OPCML: variants seen among roughly 807,000 people sequenced by gnomAD.
OPCML encodes the protein opioid binding protein/cell adhesion molecule like.
Under a neutral mutation model 37.8 loss-of-function variants are expected in OPCML, and 13 were observed. The ratio of observed to expected loss-of-function variants is 0.34; its 90% CI spans 0.22 to 0.55. The LOEUF (loss-of-function observed/expected upper bound fraction) is 0.55. Among genes scored for constraint, OPCML ranks in the 20% least tolerant of loss-of-function variants. The pLI, the probability that OPCML is intolerant of heterozygous loss-of-function variation, is 0.91. For synonymous variants in OPCML, 176 were observed against 168.8 expected, an observed-to-expected ratio of 1.04 and a Z score of -0.33; for missense variants, 341 against 435.6, an observed-to-expected ratio of 0.78 and a Z score of 1.93.
intron 3 of OPCML, among the ~76,000 whole-genome samples, chr11:132,549,151 CA>C (rs889018698): frequency 3.2e-4 from 48 of 152,246 alleles, no homozygotes; most frequent in Non-Finnish European, 5.7e-4. Context: ...AGACGCCGGC[CA>C]AAACTCACCA....
intron 1 of OPCML, among the ~76,000 whole-genome samples, chr11:133,188,406 G>A (rs1490975413): frequency 1.3e-5 from 2 of 152,106 alleles, no homozygotes; most frequent in South Asian, 2.1e-4. Context: ...TGGGGAAAAC[G>A]ATTAAAGTCT....
At chr11:132,657,540 C>T (rs1453586134) in intron 2 of OPCML, 2 of 522,858 alleles carry the variant, frequency 3.8e-6, no homozygotes, top group African/African-American at 4.1e-5. Flanking sequence ...TTCTATTTGA[C>T]TTCGAGACAT....
chr11:132,456,400 T>C (rs2136882195), intron 4 of OPCML, among the ~76,000 whole-genome samples: 1 of 152,308 alleles, frequency 6.6e-6, no homozygotes, highest in South Asian at 2.1e-4. Context: ...GCAGGAAATT[T>C]TAAATTTAGT....
Position 133,450,147 on chromosome 11 carries a change from A to G in OPCML, c.61+82117T>C, listed in dbSNP as rs556944146. Among the ~76,000 whole-genome samples the G allele has an allele frequency of 1.2e-4, 18 of 151,942 alleles. 1 individual carries two copies. In the South Asian group the frequency reaches 3.5e-3, roughly 30 times the overall value. ...TGAGAAGCTCATACAAAGTCTTCAC[A>G]TCACTGCGATAGTCAATTAACCAAC... On this transcript the variant is annotated intron_variant, in intron 1 of 7. Coordinates refer to ENST00000524381, the MANE Select transcript of OPCML (RefSeq NM_001012393.5).
chr11:133,443,940 C>G (rs1399074543), intron 1 of OPCML, among the ~76,000 whole-genome samples: 1 of 152,074 alleles, frequency 6.6e-6, no homozygotes, highest in African/African-American at 2.4e-5. Context: ...CTCTCTGTCT[C>G]CAAACACACA....
chr11:132,672,537 G>T (rs892764482), intron 2 of OPCML, among the ~76,000 whole-genome samples: 2 of 152,106 alleles, frequency 1.3e-5, no homozygotes, highest in Non-Finnish European at 1.5e-5. Context: ...CTCTGTGTGT[G>T]GCTCCCTGTA....
At position 132,439,547 on chromosome 11, in the gene OPCML, A is replaced by G. The variant is rs773331390; in HGVS notation, c.506-2188T>C. On this transcript the variant is annotated intron_variant, in intron 4 of 7. Transcript: ENST00000524381. ...TGCCCTACTCCCTTTATTTCTCTAT[A>G]GGCTAACAGAATATCATAGTGAAAG... 9.9e-4 allele frequency among the ~76,000 whole-genome samples: 150 copies of G among 152,198 alleles called. 5 individuals are homozygous for G. The highest frequency in any genetic ancestry group is 3.3e-4 in the Admixed American group (5 of 15,276).
intron 4 of OPCML, among the ~76,000 whole-genome samples, chr11:132,486,411 T>C (rs2508983): frequency 0.14 from 20,816 of 152,044 alleles, 1,711 homozygotes; most frequent in East Asian, 0.37. Context: ...TTCTTCATTG[T>C]TAAAAAAAAT....
intron 3 of OPCML, among the ~76,000 whole-genome samples, chr11:132,630,756 G>A (rs10791243): frequency 0.47 from 72,013 of 151,886 alleles, 18,279 homozygotes; most frequent in Non-Finnish European, 0.58. Context: ...ACCATGATTC[G>A]GCAATTATAC....
chr11:132,911,582 G>A (rs979672999), intron 2 of OPCML, among the ~76,000 whole-genome samples: 1 of 152,166 alleles, frequency 6.6e-6, no homozygotes, highest in Non-Finnish European at 1.5e-5. Flanking sequence ...CCATCTGACA[G>A]CAAAGATAGC....
intron 3 of OPCML, among the ~76,000 whole-genome samples, chr11:132,543,065 G>T (rs939347842): frequency 1.3e-5 from 2 of 151,238 alleles, no homozygotes; most frequent in African/African-American, 4.9e-5. Context: ...TGTGGGAAGA[G>T]GGGAAAGGGT....
At chr11:132,441,170 T>TTTTTTTTTTTTTTTTTTTTTTG (rs1448869073) in intron 4 of OPCML, among the ~76,000 whole-genome samples, 1 of 113,526 alleles carries the variant, frequency 8.8e-6, no homozygotes, top group Non-Finnish European at 1.9e-5. Context: ...TTTTTGTTTT[T>TTTTTTTTTTTTTTTTTTTTTTG]TTTTTTTTTT....
chr11:132,517,645 A>C (rs1268869759), intron 4 of OPCML, among the ~76,000 whole-genome samples: 4 of 152,232 alleles, frequency 2.6e-5, no homozygotes, highest in African/African-American at 9.6e-5. Flanking sequence ...ACTGATTTCA[A>C]TAGCATAATT....
chr11:133,031,364 T>C (rs1445451376), intron 1 of OPCML, among the ~76,000 whole-genome samples: 4 of 151,362 alleles, frequency 2.6e-5, no homozygotes, highest in Non-Finnish European at 5.9e-5. Context: ...GATAGATGAA[T>C]GAGTAGGTGG....
chr11:133,419,408 T>C, intron 1 of OPCML: 1 of 867,830 alleles, frequency 1.2e-6, no homozygotes, highest in South Asian at 5.3e-5. Context: ...TTTTCAGAAA[T>C]TATATGAGCC....
At chr11:132,886,072 A>G (rs1225830337) in intron 2 of OPCML, among the ~76,000 whole-genome samples, 3 of 152,232 alleles carry the variant, frequency 2.0e-5, no homozygotes, top group Non-Finnish European at 4.4e-5. Flanking sequence ...GTATAGGGCT[A>G]TCACATTCCT....
chr11:132,625,607 G>T (rs1164013754), intron 3 of OPCML, among the ~76,000 whole-genome samples: 1 of 152,182 alleles, frequency 6.6e-6, no homozygotes, highest in Non-Finnish European at 1.5e-5. Flanking sequence ...GAAATAAGGT[G>T]CTTTCCTATG....
chr11:133,374,339 G>C (rs1944749593), intron 1 of OPCML, among the ~76,000 whole-genome samples: 1 of 152,194 alleles, frequency 6.6e-6, no homozygotes, highest in South Asian at 2.1e-4. Context: ...GGAATGGAGA[G>C]GGCAGAAGGC....
chr11:132,640,368 G>C (rs1784185), intron 3 of OPCML, among the ~76,000 whole-genome samples: 14,603 of 152,098 alleles, frequency 0.096, 990 homozygotes, highest in African/African-American at 0.2. Flanking sequence ...AATTTACTTA[G>C]AGCCAAGGGA....
Sources: allele counts gnomAD v4.1 joint callset (sites outside exome capture counted in the v4.1 genomes callset), GRCh38; gene constraint gnomAD v4.1.1; transcripts MANE v1.5; gene names NCBI Gene and HGNC (gene_info 2026-07-23, HGNC 2026-07-21).